The following BACH2 variants were observed in gnomAD, a reference collection of about 807,000 sequenced individuals.
BACH2 encodes transcription regulator protein BACH2.
Under a neutral mutation model 61.8 loss-of-function variants are expected in BACH2, and 5 were observed. The observed-to-expected ratio is 0.08, with a 90% confidence interval of 0.04 to 0.17. The LOEUF is 0.17. Among genes scored for constraint, BACH2 ranks in the 10% least tolerant of loss-of-function variants. The pLI, the probability that BACH2 is intolerant of heterozygous loss-of-function variation, is 1.00. For missense variants in BACH2, 824 were observed against 1,091.1 expected, an observed-to-expected ratio of 0.76 and a Z score of 3.45; for synonymous variants, 446 against 440.1, an observed-to-expected ratio of 1.01 and a Z score of -0.17.
chr6:90,176,461 C>T (rs1767986859), intron 4 of BACH2, among the ~76,000 whole-genome samples: 1 of 152,172 alleles, frequency 6.6e-6, no homozygotes, highest in South Asian at 2.1e-4. Context: ...CCTCAACCAG[C>T]TTAAGGTGCC....
intron 4 of BACH2, among the ~76,000 whole-genome samples, chr6:90,176,408 C>T (rs1454873680): frequency 2.6e-5 from 4 of 152,118 alleles, no homozygotes; most frequent in African/African-American, 9.7e-5. Context: ...AAAGTGCACA[C>T]TGGGAAGGGG....
intron 2 of BACH2, among the ~76,000 whole-genome samples, chr6:90,270,617 G>A (rs967005802): frequency 1.3e-5 from 2 of 152,120 alleles, no homozygotes; most frequent in African/African-American, 4.8e-5. Context: ...GCTCATGGAT[G>A]AGTAGAATCA....
intron 6 of BACH2, among the ~76,000 whole-genome samples, chr6:89,996,557 G>A (rs1484825882): frequency 6.6e-6 from 1 of 152,086 alleles, no homozygotes; most frequent in Non-Finnish European, 1.5e-5. Context: ...GCTGATAAAA[G>A]ATGCCTCCTC....
intron 5 of BACH2, among the ~76,000 whole-genome samples, chr6:90,069,755 A>G (rs1331095982): frequency 1.3e-5 from 2 of 152,226 alleles, no homozygotes; most frequent in African/African-American, 4.8e-5. Flanking sequence ...TGCAGACAAG[A>G]AGGCGATTAG....
chr6:89,993,180 C>G (rs1364822881), intron 6 of BACH2, among the ~76,000 whole-genome samples: 1 of 152,098 alleles, frequency 6.6e-6, no homozygotes, highest in Non-Finnish European at 1.5e-5. Context: ...TTTAAGCCAC[C>G]CAGCCTGTGG....
At chr6:89,946,060 G>A (rs1194919190) in intron 7 of BACH2, among the ~76,000 whole-genome samples, 1 of 151,996 alleles carries the variant, frequency 6.6e-6, no homozygotes, top group Non-Finnish European at 1.5e-5. Context: ...TATGGGAAAA[G>A]GTACAATAAA....
Position 90,065,379 on chromosome 6 carries a change from C to T in BACH2, c.-13+23582G>A, listed in dbSNP as rs543615581. On this transcript the variant is annotated intron_variant, in intron 5 of 8. Transcript: ENST00000257749. ...AACATGTGGAACAGAGATGAGTCAT[C>T]CCAGGGGAGGCCTCCCCAGACCAAC... 4.1e-5 allele frequency among the ~76,000 whole-genome samples: 6 copies of T among 146,362 alleles called. No homozygotes were observed. In the East Asian group the frequency reaches 8.8e-4, roughly 22 times the overall value.
intron 3 of BACH2, among the ~76,000 whole-genome samples, chr6:90,252,213 G>A (rs1321980866): frequency 6.6e-6 from 1 of 152,090 alleles, no homozygotes; most frequent in Non-Finnish European, 1.5e-5. Flanking sequence ...ACACAACTTG[G>A]TGACAGACAG....
At chr6:89,975,718 T>C (rs1775614862) in intron 6 of BACH2, among the ~76,000 whole-genome samples, 1 of 152,212 alleles carries the variant, frequency 6.6e-6, no homozygotes, top group Admixed American at 6.5e-5. Flanking sequence ...ATAACTCTCC[T>C]AAGATATCCT....
intron 1 of BACH2, among the ~76,000 whole-genome samples, chr6:90,279,522 CAAA>C (rs10637718): frequency 2.4e-5 from 3 of 124,174 alleles, no homozygotes. Context: ...GACTCCGTCT[CAAA>C]AAAAAAAAAA....
chr6:90,119,669 G>C (rs1360770228), intron 4 of BACH2, among the ~76,000 whole-genome samples: 1 of 152,140 alleles, frequency 6.6e-6, no homozygotes, highest in Non-Finnish European at 1.5e-5. Flanking sequence ...TGCAAAAGTT[G>C]TTGAAAGGAT....
chr6:90,088,156 A>T (rs1782013155), intron 5 of BACH2, among the ~76,000 whole-genome samples: 1 of 152,038 alleles, frequency 6.6e-6, no homozygotes, highest in South Asian at 2.1e-4. Flanking sequence ...TCTGTCCCAC[A>T]TGTGTTTTGT....
intron 4 of BACH2, among the ~76,000 whole-genome samples, chr6:90,174,047 T>A (rs1002404148): frequency 5.3e-5 from 8 of 152,148 alleles, no homozygotes; most frequent in Admixed American, 2.0e-4. Context: ...AAATATTTAA[T>A]TCCCTGGGAA....
At chr6:90,089,917 G>T (rs528643015) in intron 4 of BACH2, among the ~76,000 whole-genome samples, 4 of 152,082 alleles carry the variant, frequency 2.6e-5, no homozygotes, top group Non-Finnish European at 5.9e-5. Flanking sequence ...TATTAAGTGG[G>T]GGTAAAATAG....
intron 5 of BACH2, among the ~76,000 whole-genome samples, chr6:90,013,465 T>C (rs1777834619): frequency 6.6e-6 from 1 of 151,418 alleles, no homozygotes; most frequent in African/African-American, 2.4e-5. Flanking sequence ...CTCCCCTTCC[T>C]TCCCTCCCCT....
chr6:89,939,345 C>T (rs546322499), intron 7 of BACH2, among the ~76,000 whole-genome samples: 1 of 152,312 alleles, frequency 6.6e-6, no homozygotes, highest in South Asian at 2.1e-4. Flanking sequence ...TCTGACTTCA[C>T]CTTATGAGAG....
intron 4 of BACH2, among the ~76,000 whole-genome samples, chr6:90,173,080 CTG>C (rs1767871545): frequency 6.7e-6 from 1 of 150,336 alleles, no homozygotes; most frequent in Admixed American, 6.6e-5. Flanking sequence ...GTGTGTACAA[CTG>C]TTAAATTAGT....
At chr6:90,271,205 AC>A (rs1771508060) in intron 2 of BACH2, among the ~76,000 whole-genome samples, 1 of 151,862 alleles carries the variant, frequency 6.6e-6, no homozygotes, top group Non-Finnish European at 1.5e-5. Context: ...TGCAACAAAA[AC>A]AAAAATAAAT....
intron 6 of BACH2, among the ~76,000 whole-genome samples, chr6:89,988,718 C>T (rs1191707872): frequency 1.3e-5 from 2 of 152,118 alleles, no homozygotes; most frequent in African/African-American, 4.8e-5. Flanking sequence ...GGTCGATATC[C>T]AATACATATC....
Sources: gnomAD v4.1 joint callset for allele counts (sites outside exome capture counted in the v4.1 genomes callset) on GRCh38, gnomAD v4.1.1 for gene constraint, MANE v1.5 for transcripts, NCBI Gene and HGNC (gene_info 2026-07-23, HGNC 2026-07-21) for gene names.